The following EDA variants were observed in gnomAD, a reference collection of about 807,000 sequenced individuals.
The protein encoded by EDA is ectodysplasin-A.
Under a neutral mutation model 23.6 loss-of-function variants are expected in EDA, and 2 were observed. That is an observed-to-expected ratio of 0.08 (90% CI 0.03 to 0.27). The LOEUF is 0.27. Ranked by LOEUF, EDA falls within the 10% of genes least tolerant of loss-of-function variation. EDA has a pLI of 1.00. For missense variants in EDA, 229 were observed against 324.2 expected (o/e 0.71, Z 2.26); for synonymous variants, 131 against 132.0 (o/e 0.99, Z 0.05).
chrX:69,855,382 C>G (rs2017223898), intron 1 of EDA, among the ~76,000 whole-genome samples: 1 of 111,754 alleles, frequency 8.9e-6, no homozygotes, highest in Non-Finnish European at 1.9e-5. Context: ...GTTGTGAAAT[C>G]TTTGCCTGTT....
At chrX:69,955,864 C>T (rs1187670353) in intron 1 of EDA, among the ~76,000 whole-genome samples, 3 of 111,777 alleles carry the variant, frequency 2.7e-5, no homozygotes, top group Non-Finnish European at 5.6e-5. Flanking sequence ...GTCCTACTAC[C>T]GTGTTTACTG....
At chrX:69,831,103 T>C (rs1257554238) in intron 1 of EDA, among the ~76,000 whole-genome samples, 1 of 111,783 alleles carries the variant, frequency 8.9e-6, no homozygotes, top group East Asian at 2.8e-4. Flanking sequence ...CTAGGGTACA[T>C]GTGCACAACG....
intron 1 of EDA, among the ~76,000 whole-genome samples, chrX:69,679,832 C>G (rs1407190952): frequency 2.8e-5 from 3 of 108,987 alleles, no homozygotes; most frequent in East Asian, 2.9e-4. Context: ...CAGTTCTGCT[C>G]TGATTTTAGT....
chrX:69,760,197 C>CAAAAA (rs1162014486), intron 1 of EDA, among the ~76,000 whole-genome samples: 13 of 46,448 alleles, frequency 2.8e-4, no homozygotes, highest in African/African-American at 4.4e-4. Flanking sequence ...CTCTTTTGTA[C>CAAAAA]AAAAAAAAAA....
At chrX:69,685,229 T>A (rs1005845349) in intron 1 of EDA, among the ~76,000 whole-genome samples, 2 of 112,235 alleles carry the variant, frequency 1.8e-5, no homozygotes, top group Non-Finnish European at 3.8e-5. Flanking sequence ...AAAACTTAAA[T>A]TTAATTTTAA....
intron 1 of EDA, among the ~76,000 whole-genome samples, chrX:69,936,550 CAATA>C (rs1225238961): frequency 8.9e-6 from 1 of 111,919 alleles, no homozygotes; most frequent in Non-Finnish European, 1.9e-5. Flanking sequence ...ACAGTTTGCA[CAATA>C]AATGTGCTAC....
chrX:69,915,159 A>G (rs1374289770), intron 1 of EDA, among the ~76,000 whole-genome samples: 2 of 111,498 alleles, frequency 1.8e-5, no homozygotes, highest in African/African-American at 6.5e-5. Context: ...ATCCTCTCAT[A>G]AGTCTCATTA....
chrX:69,893,933 C>G (rs1190743808), intron 1 of EDA, among the ~76,000 whole-genome samples: 1 of 111,973 alleles, frequency 8.9e-6, no homozygotes, highest in Non-Finnish European at 1.9e-5. Flanking sequence ...CCCCCAGCAC[C>G]AACTTTCTGG....
rs372225521 is a variant in EDA at position 70,029,439 on chromosome X, G to A, written c.707-65G>A. On this transcript the variant is annotated intron_variant, in intron 4 of 7. Transcript: ENST00000374552. ...GGAGCATGGCTCACCACCACTAGCT[G>A]CTCAGGTGAGGGGAAAAGGAAGTCA... 8.1e-5 allele frequency: 93 copies of A among 1,154,678 alleles called. No homozygotes were observed. In the African/African-American group the frequency reaches 1.6e-3, roughly 19 times the overall value.
At chrX:69,874,076 C>T (rs1005737984) in intron 1 of EDA, among the ~76,000 whole-genome samples, 9 of 111,702 alleles carry the variant, frequency 8.1e-5, no homozygotes, top group South Asian at 3.8e-4. Context: ...TTTGGGAGGC[C>T]GAGGCAGGCG....
At chrX:69,936,834 G>C (rs2018680052) in intron 1 of EDA, among the ~76,000 whole-genome samples, 2 of 111,900 alleles carry the variant, frequency 1.8e-5, no homozygotes, top group African/African-American at 6.5e-5. Context: ...AGTAGGTAAA[G>C]TTTATCAAAA....
At chrX:69,949,802 C>T (rs1188389272) in intron 1 of EDA, among the ~76,000 whole-genome samples, 3 of 111,822 alleles carry the variant, frequency 2.7e-5, no homozygotes, top group Non-Finnish European at 5.6e-5. Context: ...GCCATTATGG[C>T]TCCTACCTTG....
intron 1 of EDA, among the ~76,000 whole-genome samples, chrX:69,637,876 A>G (rs776174804): frequency 1.7e-4 from 19 of 110,897 alleles, no homozygotes; most frequent in Admixed American, 9.6e-4. Flanking sequence ...ATGAGCAAGC[A>G]AAGGGGGAAA....
chrX:69,828,363 G>A lies in EDA; in HGVS notation c.397-128664G>A, dbSNP rs924762498. Reference sequence around the variant, plus strand: ...TAGCAATCAGCGAGACTCCGTGGGCGTAGGACCCTCCGAGTCAGGTGTGGG... The same window carrying A: ...TAGCAATCAGCGAGACTCCGTGGGCATAGGACCCTCCGAGTCAGGTGTGGG... On this transcript the variant is annotated intron_variant, in intron 1 of 7. Coordinates refer to ENST00000374552, the MANE Select transcript of EDA (RefSeq NM_001399.5). Among the ~76,000 whole-genome samples, 150 of 112,455 alleles carry A rather than the reference G, an allele frequency of 1.3e-3. 1 individual carries two copies. The highest frequency in any genetic ancestry group is 5.3e-4 in the Non-Finnish European group (28 of 53,233).
chrX:69,702,898 C>CA (rs1329865082), intron 1 of EDA, among the ~76,000 whole-genome samples: 15 of 109,783 alleles, frequency 1.4e-4, no homozygotes, highest in South Asian at 3.9e-4. Flanking sequence ...GACTGAATTG[C>CA]AAAAAAGACA....
chrX:69,688,573 G>T (rs1327803123), intron 1 of EDA, among the ~76,000 whole-genome samples: 1 of 110,720 alleles, frequency 9.0e-6, no homozygotes, highest in Non-Finnish European at 1.9e-5. Context: ...GCTAATTTTT[G>T]TATTTTTAGT....
At chrX:69,752,447 A>C (rs1216210105) in intron 1 of EDA, among the ~76,000 whole-genome samples, 2 of 111,751 alleles carry the variant, frequency 1.8e-5, no homozygotes, top group African/African-American at 6.5e-5. Flanking sequence ...CTGGTGGATA[A>C]GCTTTTTGAT....
intron 2 of EDA, among the ~76,000 whole-genome samples, chrX:69,996,503 A>G (rs998687710): frequency 6.2e-5 from 7 of 112,566 alleles, no homozygotes; most frequent in East Asian, 2.8e-4. Context: ...TTTAATCACT[A>G]CATCCCCATA....
intron 1 of EDA, among the ~76,000 whole-genome samples, chrX:69,910,350 G>GGAGAGAGAGAGA (rs1181006363): frequency 1.6e-5 from 1 of 63,553 alleles, no homozygotes; most frequent in South Asian, 1.3e-3. Context: ...GCTAGGTAAA[G>GGAGAGAGAGAGA]GAGAGAGAGA....
Sources: allele counts gnomAD v4.1 joint callset (sites outside exome capture counted in the v4.1 genomes callset), GRCh38; gene constraint gnomAD v4.1.1; transcripts MANE v1.5; gene names NCBI Gene and HGNC (gene_info 2026-07-23, HGNC 2026-07-21).